SPTBN2: variants seen among roughly 807,000 people sequenced by gnomAD.
SPTBN2 encodes spectrin beta, non-erythrocytic 2, also known as spectrin beta chain, non-erythrocytic 2.
SPTBN2 carries 107 observed loss-of-function variants against 284.2 expected under a neutral mutation model. The observed-to-expected ratio is 0.38, with a 90% CI of 0.32 to 0.44. The LOEUF (loss-of-function observed/expected upper bound fraction) is 0.44. SPTBN2 is among the 20% of genes least tolerant of loss of function. The pLI is 1.00. For synonymous variants in SPTBN2, 1,289 were observed against 1,354.8 expected, an observed-to-expected ratio of 0.95 and a Z score of 1.07; for missense variants, 2,569 against 3,287.1, an observed-to-expected ratio of 0.78 and a Z score of 5.34.
Position 66,688,667 on chromosome 11 carries a change from C to T in SPTBN2, c.6217G>A (p.Glu2073Lys). 1 of 1,613,930 alleles carries T rather than the reference C, an allele frequency of 6.2e-7. No homozygotes were observed. Among genetic ancestry groups the T allele is most frequent in the Non-Finnish European group, 8.5e-7 (1 of 1,180,010 alleles). The change falls in exon 31 of 38, where the codon GAG becomes AAG. Residue 2073 changes from glutamate to lysine, a missense_variant. Glu to Lys is a moderately conservative substitution (Grantham distance 56). Coordinates refer to ENST00000533211, the MANE Select transcript of SPTBN2 (RefSeq NM_006946.4). ...GTGTCCCTCACCGCAGTAAGCTTCT[C>T]CAGCGCACAGAATCGCTCCTCCCAG... ...VAWEERFCAL[E>K]KLTALEEREK...
rs1941684510 is a variant in SPTBN2, at chr11:66,708,427, G to A, written c.1192-128C>T. ...GTGGAATGCAGTGGGTGAGACGCCTGGGCGTGGAAACAGGAAACAGGGCAG... is the reference window on the plus strand; with the variant it reads ...GTGGAATGCAGTGGGTGAGACGCCTAGGCGTGGAAACAGGAAACAGGGCAG... On this transcript the variant is annotated intron_variant, in intron 11 of 37. Transcript: ENST00000533211. The surrounding 1 kb of genome is among the most constrained non-coding windows in gnomAD (Gnocchi z 4.4). 2.0e-6 allele frequency: 2 copies of A among 998,148 alleles called. No homozygotes were observed. The highest frequency in any genetic ancestry group is 1.8e-5 in the South Asian group (1 of 56,684). The allele number at this position is 998,148 out of a possible 1,614,324, so 61.8% of individuals were successfully genotyped here. A position where few individuals can be genotyped will look rare whatever the true frequency, so the allele number is the denominator to read the frequency against.
At chr11:66,727,601 G>A (rs943232025) in intron 1 of SPTBN2, among the ~76,000 whole-genome samples, 2 of 151,972 alleles carry the variant, frequency 1.3e-5, no homozygotes, top group Non-Finnish European at 2.9e-5. Flanking sequence ...GCCGCCCGAA[G>A]CGTCTGCTTT....
Position 66,708,840 on chromosome 11 carries a change from T to A in SPTBN2, c.1191+62A>T. The A allele has an allele frequency of 7.3e-7, 1 of 1,360,872 alleles. No homozygotes were observed. Among genetic ancestry groups the A allele is most frequent in the Non-Finnish European group, 1.0e-6 (1 of 954,382 alleles). The allele number at this position is 1,360,872 out of a possible 1,614,324, so 84.3% of individuals were successfully genotyped here. ...CGACATGGCCCCGGGTTTGGGGATG[T>A]GTGCAAGGCATCTGGGCCAGGGCCT... On this transcript the variant is annotated intron_variant, in intron 11 of 37. Transcript: ENST00000533211. This position sits in a 1 kb window ranked among gnomAD's most constrained non-coding sequence, Gnocchi z 4.4.
intron 15 of SPTBN2, among the ~76,000 whole-genome samples, chr11:66,703,972 CTTTTTTTTTTT>C (rs11286358): frequency 5.5e-5 from 6 of 109,726 alleles, no homozygotes; most frequent in South Asian, 6.5e-4. Context: ...TATTTCTTTT[CTTTTTTTTTTT>C]TTTTTTTTTG....
Position 66,710,379 on chromosome 11 carries a change from C to T in SPTBN2, c.1073+203G>A, listed in dbSNP as rs146696062. ...GATTACAGGCGTGAGCCACCATGCCCGGCCCACAGCATGATTTTTAAAAAC... is the reference window on the plus strand; with the variant it reads ...GATTACAGGCGTGAGCCACCATGCCTGGCCCACAGCATGATTTTTAAAAAC... On this transcript the variant is annotated intron_variant, in intron 10 of 37. Transcript: ENST00000533211. The surrounding 1 kb of genome is among the most constrained non-coding windows in gnomAD (Gnocchi z 4.9). Among the ~76,000 whole-genome samples the T allele has an allele frequency of 2.7e-5, 4 of 149,566 alleles. No homozygotes were observed. The highest frequency in any genetic ancestry group is 7.4e-5 in the African/African-American group (3 of 40,630).
chr11:66,691,182 C>G lies in SPTBN2; in HGVS notation c.5565+102G>C. On this transcript the variant is annotated intron_variant, in intron 27 of 37. Coordinates refer to ENST00000533211, the MANE Select transcript of SPTBN2 (RefSeq NM_006946.4). The surrounding 1 kb of genome is among the most constrained non-coding windows in gnomAD (Gnocchi z 8.0). ...ATGGCCCTCGAAAGAGTGCCGTCCTCCCAGCATTTCTGAGCTCTACCCTAG... is the reference window on the plus strand; with the variant it reads ...ATGGCCCTCGAAAGAGTGCCGTCCTGCCAGCATTTCTGAGCTCTACCCTAG... The G allele has an allele frequency of 7.0e-7, 1 of 1,433,088 alleles. No homozygotes were observed. Among genetic ancestry groups the G allele is most frequent in the Non-Finnish European group, 9.2e-7 (1 of 1,083,540 alleles). 88.8% of individuals were successfully genotyped at this position (1,433,088 alleles called of 1,614,324 possible).
chr11:66,744,406 GCCGAGGGAAGGGT>G, intron 1 of SPTBN2: 1 of 155,776 alleles, frequency 6.4e-6, no homozygotes, highest in African/African-American at 2.4e-5. Context: ...GCCCCTCCCG[GCCGAGGGAAGGGT>G]CCTGGAAAGC....
chr11:66,699,961 CTTTTT>C (rs1275451254), intron 17 of SPTBN2, among the ~76,000 whole-genome samples: 3 of 151,576 alleles, frequency 2.0e-5, no homozygotes, highest in Non-Finnish European at 4.4e-5. Context: ...CTTCTTTTTT[CTTTTT>C]CTTTTTTTTG....
At position 66,693,165 on chromosome 11, in the gene SPTBN2, G is replaced by A. The variant is rs776135645; in HGVS notation, c.4854+21C>T. The A allele has an allele frequency of 6.2e-7, 1 of 1,614,210 alleles. No homozygotes were observed. Among genetic ancestry groups the A allele is most frequent in the Non-Finnish European group, 8.5e-7 (1 of 1,180,038 alleles). ...GAGGGCAGAACTGGTCACATACACTGGGCTCTGTCCTGGCCCTCACCTTGG... is the reference window on the plus strand; with the variant it reads ...GAGGGCAGAACTGGTCACATACACTAGGCTCTGTCCTGGCCCTCACCTTGG... On this transcript the variant is annotated intron_variant, in intron 24 of 37. Transcript: ENST00000533211. The surrounding 1 kb of genome is among the most constrained non-coding windows in gnomAD (Gnocchi z 5.7).
At chr11:66,699,965 TTC>T (rs1028821423) in intron 17 of SPTBN2, among the ~76,000 whole-genome samples, 5 of 152,186 alleles carry the variant, frequency 3.3e-5, no homozygotes, top group African/African-American at 9.6e-5. Flanking sequence ...TTTTTTCTTT[TTC>T]TTTTTTTTGA....
chr11:66,688,882 G>A, intron 30 of SPTBN2, 33 bp from the exon 31 acceptor site: 1 of 1,608,454 alleles, frequency 6.2e-7, no homozygotes, highest in South Asian at 1.1e-5. Flanking sequence ...GAAGATGGTG[G>A]GTCAGAGTGG....
chr11:66,706,229 G>A (rs1565138985), intron 13 of SPTBN2, among the ~76,000 whole-genome samples: 1 of 152,206 alleles, frequency 6.6e-6, no homozygotes, highest in Non-Finnish European at 1.5e-5. Flanking sequence ...TCGCTGTCAT[G>A]CTGCCTGCCC....
At position 66,689,187 on chromosome 11, in the gene SPTBN2, G is replaced by A; in HGVS notation, c.5950-7C>T. ...GAGACAGCTTCTCTGAGATCTGGGG[G>A]CGGGGGGCAGAGATATGAGTTAGCA... On this transcript the variant is annotated splice_region_variant and splice_polypyrimidine_tract_variant and intron_variant, in intron 29 of 37. Coordinates refer to ENST00000533211, the MANE Select transcript of SPTBN2 (RefSeq NM_006946.4). 1.3e-6 allele frequency: 2 copies of A among 1,599,800 alleles called. No homozygotes were observed. The highest frequency in any genetic ancestry group is 1.7e-6 in the Non-Finnish European group (2 of 1,171,998).
In SPTBN2 at chr11:66,696,509, T is replaced by C. The variant is rs140585577; in HGVS notation, c.4046A>G (p.Glu1349Gly). Reference sequence around the variant, plus strand: ...CTTCTCCGACACCAGGGCTTTCAGCTCTGGCTTCTCAAGGGTGAGCTCTCG... The same window carrying C: ...CTTCTCCGACACCAGGGCTTTCAGCCCTGGCTTCTCAAGGGTGAGCTCTCG... ...EGRELTLEKP[E>G]LKALVSEKLR... Residue 1349 changes from glutamate to glycine, a missense_variant, in exon 21 of 38, where the codon GAG becomes GGG. By Grantham distance (98) the Glu-to-Gly change is moderately conservative (BLOSUM62 -2). This residue lies in a region of SPTBN2 where 50 missense variants were observed against 48.1 expected (regional missense o/e 1.04). Coordinates refer to ENST00000533211, the MANE Select transcript of SPTBN2 (RefSeq NM_006946.4). The C allele has an allele frequency of 6.2e-7, 1 of 1,612,000 alleles. No homozygotes were observed. The highest frequency in any genetic ancestry group is 1.3e-5 in the African/African-American group (1 of 74,930).
rs546224509 is a variant in SPTBN2 at position 66,690,180 on chromosome 11, G to C, written c.5669C>G (p.Ala1890Gly). 2.3e-5 allele frequency: 37 copies of C among 1,614,056 alleles called. No homozygotes were observed. In the South Asian group the frequency reaches 3.2e-4, roughly 14 times the overall value. ...GGCGGCAGAGCTTCCCTGAAGCTGG[G>C]CCCAGGCCTCGGCCACGGCCTGCAT... is the stretch of plus-strand genomic sequence containing the variant. ...RHMQAVAEAW[A>G]QLQGSSAARR... The change falls in exon 28 of 38, where the codon GCC becomes GGC. Residue 1890 changes from alanine to glycine, a missense_variant. By Grantham distance (60) the Ala-to-Gly change is moderately conservative (BLOSUM62 0). Transcript: ENST00000533211.
At position 66,687,359 on chromosome 11, in the gene SPTBN2, C is replaced by T; in HGVS notation, c.6722+68G>A. Reference sequence around the variant, plus strand: ...CCAGAAGATGTACTCTAAAGGGCATCCCTCCCTCTATCTGGGCAGAGGCTC... The same window carrying T: ...CCAGAAGATGTACTCTAAAGGGCATTCCTCCCTCTATCTGGGCAGAGGCTC... On this transcript the variant is annotated intron_variant, in intron 35 of 37. Coordinates refer to ENST00000533211, the MANE Select transcript of SPTBN2 (RefSeq NM_006946.4). This position sits in a 1 kb window ranked among gnomAD's most constrained non-coding sequence, Gnocchi z 5.2. 1 of 1,580,040 alleles carries T rather than the reference C, an allele frequency of 6.3e-7. No homozygotes were observed. The highest frequency in any genetic ancestry group is 1.7e-5 in the Admixed American group (1 of 59,970).
In SPTBN2 at chr11:66,687,272, G is replaced by A. The variant is rs1590905440; in HGVS notation, c.6723-105C>T. 5.1e-6 allele frequency: 8 copies of A among 1,565,676 alleles called. No homozygotes were observed. Among genetic ancestry groups the A allele is most frequent in the African/African-American group, 1.3e-5 (1 of 74,108 alleles). ...AGTTCTGCTCCCATCTTTAGGCCAC[G>A]GTCTTCACACCCTCTGGTCCTCCCC... On this transcript the variant is annotated intron_variant, in intron 35 of 37. Coordinates refer to ENST00000533211, the MANE Select transcript of SPTBN2 (RefSeq NM_006946.4). The surrounding 1 kb of genome is among the most constrained non-coding windows in gnomAD (Gnocchi z 5.2).
Position 66,701,672 on chromosome 11 carries a change from C to T in SPTBN2, c.2728G>A (p.Ala910Thr), listed in dbSNP as rs766328275. The change falls in exon 16 of 38, where the codon GCG becomes ACG. Residue 910 changes from alanine to threonine, a missense_variant. Physicochemically the swap from Ala to Thr is moderately conservative, Grantham distance 58. Coordinates refer to ENST00000533211, the MANE Select transcript of SPTBN2 (RefSeq NM_006946.4). ...AACTGCTCGGCAATGTCATTCACCG[C>T]GGTGATTTGTGCTGCAAGGGTGTTC... ...EMNTLAAQIT[A>T]VNDIAEQLLK... 7 of 1,613,894 alleles carry T rather than the reference C, an allele frequency of 4.3e-6. No individual in the cohort carries two copies. The highest frequency in any genetic ancestry group is 2.2e-5 in the East Asian group (1 of 44,874).
At position 66,715,466 on chromosome 11, in the gene SPTBN2, C is replaced by T; in HGVS notation, c.310-71G>A. 1 of 1,551,580 alleles carries T rather than the reference C, an allele frequency of 6.4e-7. No individual in the cohort carries two copies. The highest frequency in any genetic ancestry group is 8.7e-7 in the Non-Finnish European group (1 of 1,145,742). ...CCTTCTTCCCCAGCCTTCACAGGGC[C>T]CAGCTTTGCACACCTTCCCCATGAC... On this transcript the variant is annotated intron_variant, in intron 4 of 37. Transcript: ENST00000533211. This position sits in a 1 kb window ranked among gnomAD's most constrained non-coding sequence, Gnocchi z 5.3.
Sources: gnomAD v4.1 joint callset for allele counts (sites outside exome capture counted in the v4.1 genomes callset) on GRCh38, gnomAD v4.1.1 for gene constraint, gnomAD v4.1.1 regional missense constraint, Gnocchi (gnomAD v3.1) non-coding constraint, MANE v1.5 for transcripts, NCBI Gene and HGNC (gene_info 2026-07-23, HGNC 2026-07-21) for gene names.